Variants in CEP89 observed in about 807,000 individuals in gnomAD.
CEP89 encodes the protein centrosomal protein 89, also known as centrosomal protein of 89 kDa.
In CEP89, 95 loss-of-function variants were observed where a neutral mutation model predicts 97.6. The ratio of observed to expected loss-of-function variants is 0.97; its 90% CI spans 0.82 to 1.15. The LOEUF (loss-of-function observed/expected upper bound fraction) is 1.15. CEP89 is among the 50% of genes most tolerant of loss of function. CEP89 has a pLI of 0.00. For missense variants in CEP89, 869 were observed against 947.7 expected (o/e 0.92, Z 1.09); for synonymous variants, 354 against 349.1 (o/e 1.01, Z -0.16).
chr19:32,893,879 A>G (rs1016897598), intron 16 of CEP89, among the ~76,000 whole-genome samples: 3 of 152,264 alleles, frequency 2.0e-5, no homozygotes, highest in African/African-American at 4.8e-5. Flanking sequence ...TATGGGATAC[A>G]GCAAAAGCAA....
At chr19:32,892,307 T>TC (rs1266878044) in intron 16 of CEP89, among the ~76,000 whole-genome samples, 2 of 100,256 alleles carry the variant, frequency 2.0e-5, no homozygotes, top group Non-Finnish European at 4.1e-5. Context: ...TTCTTTTTCC[T>TC]TTTTTTTTCT....
chr19:32,914,160 A>G (rs1220895619), intron 14 of CEP89, among the ~76,000 whole-genome samples: 7 of 152,168 alleles, frequency 4.6e-5, no homozygotes, highest in African/African-American at 9.7e-5. Flanking sequence ...CTATTTTCCT[A>G]TGTCAAAAAG....
At chr19:32,899,459 G>A (rs540258167) in intron 16 of CEP89, among the ~76,000 whole-genome samples, 14 of 152,238 alleles carry the variant, frequency 9.2e-5, no homozygotes, top group African/African-American at 3.4e-4. Context: ...TTAAAATACA[G>A]ATGGTTCTAG....
At chr19:32,950,106 C>A (rs890905738) in intron 4 of CEP89, among the ~76,000 whole-genome samples, 1 of 151,956 alleles carries the variant, frequency 6.6e-6, no homozygotes, top group African/African-American at 2.4e-5. Context: ...CCTCCCACCT[C>A]CACCTCCCAA....
At position 32,881,948 on chromosome 19, in the gene CEP89, C is replaced by T. The variant is rs1599704485; in HGVS notation, c.2031G>A (p.Glu677=). The T allele has an allele frequency of 6.3e-7, 1 of 1,596,292 alleles. No homozygotes were observed. ...ACTGGGCTGTCTTGCCGGCGAAGTC[C>T]TCCTGCTGCTCCAGCAGACGGTGAC... ...DISHRLLEQQ[E]DFAGKTAQYR... is the part of the protein sequence containing the mutation. Residue 677 remains glutamate, a synonymous_variant, in exon 18 of 19, where the codon GAG becomes GAA. Coordinates refer to ENST00000305768, the MANE Select transcript of CEP89 (RefSeq NM_032816.5).
chr19:32,936,108 G>T lies in CEP89; in HGVS notation c.667+1523C>A, dbSNP rs1461539169. Among the ~76,000 whole-genome samples, 1 of 152,144 alleles carries T rather than the reference G, an allele frequency of 6.6e-6. No homozygotes were observed. Among genetic ancestry groups the T allele is most frequent in the African/African-American group, 2.4e-5 (1 of 41,438 alleles). On this transcript the variant is annotated intron_variant, in intron 7 of 18. Coordinates refer to ENST00000305768, the MANE Select transcript of CEP89 (RefSeq NM_032816.5). The surrounding 1 kb of genome is among the most constrained non-coding windows in gnomAD (Gnocchi z 4.5). The stretch of plus-strand genomic sequence containing the variant: ...CTCGGGGGCCTGGGAAGGCTCCCGT[G>T]TCCCCGCAGGCTTATGGGTGTTTGC...
intron 9 of CEP89, among the ~76,000 whole-genome samples, 177 bp from the exon 10 acceptor site, chr19:32,927,161 CATCT>C (rs1568564553): frequency 3.5e-5 from 5 of 142,268 alleles, no homozygotes; most frequent in East Asian, 2.1e-4. Context: ...TCCATCCATC[CATCT>C]ATCCATCCAT....
intron 16 of CEP89, among the ~76,000 whole-genome samples, chr19:32,893,696 A>G (rs1969581676): frequency 6.6e-6 from 1 of 152,258 alleles, no homozygotes; most frequent in African/African-American, 2.4e-5. Flanking sequence ...TGGTAGACTA[A>G]AACTAGAAAG....
chr19:32,954,532 T>C (rs1971005418), intron 3 of CEP89, among the ~76,000 whole-genome samples: 1 of 151,822 alleles, frequency 6.6e-6, no homozygotes, highest in South Asian at 2.1e-4. Context: ...TTTGTATTTT[T>C]TGTAGAGACG....
intron 16 of CEP89, among the ~76,000 whole-genome samples, chr19:32,890,947 C>T (rs556438841): frequency 8.9e-4 from 135 of 152,332 alleles, no homozygotes; most frequent in African/African-American, 3.1e-3. Flanking sequence ...TGGAGCGCCA[C>T]GGACATCTCC....
chr19:32,900,035 A>G (rs1478300032), intron 15 of CEP89, 37 bp from the exon 16 acceptor site: 1 of 1,597,522 alleles, frequency 6.3e-7, no homozygotes, highest in East Asian at 2.2e-5. Flanking sequence ...TAAAAAGCCC[A>G]TTAGTTTACA....
At chr19:32,969,415 G>A (rs1363856062) in intron 1 of CEP89, 1 of 152,214 alleles carries the variant, frequency 6.6e-6, no homozygotes, top group Non-Finnish European at 1.5e-5. Flanking sequence ...CAGAATTCAG[G>A]CCCTCCCTGG....
At chr19:32,880,223 C>T (rs75994881) in intron 18 of CEP89, among the ~76,000 whole-genome samples, 22,292 of 152,200 alleles carry the variant, frequency 0.15, 1,996 homozygotes, top group Non-Finnish European at 0.21. Context: ...AGCTCCTTCC[C>T]GGACACTGCC....
In CEP89 at chr19:32,933,679, T is replaced by A. The variant is rs771628329; in HGVS notation, c.668-10A>T. ...GCTCTACCAGTTATATCTGAAAGGG[T>A]TCAGGGGAAAATTTTACAATGTTAA... On this transcript the variant is annotated splice_polypyrimidine_tract_variant and intron_variant, in intron 7 of 18. Coordinates refer to ENST00000305768, the MANE Select transcript of CEP89 (RefSeq NM_032816.5). 1.9e-6 allele frequency: 3 copies of A among 1,543,146 alleles called. No homozygotes were observed. Among genetic ancestry groups the A allele is most frequent in the East Asian group, 4.5e-5 (2 of 44,516 alleles).
chr19:32,956,083 T>A (rs1207739231), intron 3 of CEP89, among the ~76,000 whole-genome samples: 1 of 136,782 alleles, frequency 7.3e-6, no homozygotes, highest in Non-Finnish European at 1.5e-5. Flanking sequence ...TGAGATGGAG[T>A]CTCGCTCTGT....
At chr19:32,911,874 A>G (rs1970008084) in intron 14 of CEP89, among the ~76,000 whole-genome samples, 1 of 152,204 alleles carries the variant, frequency 6.6e-6, no homozygotes, top group Non-Finnish European at 1.5e-5. Flanking sequence ...TGAAAGGCTC[A>G]CCGTTTAAAA....
At chr19:32,953,896 T>G (rs1217818712) in intron 3 of CEP89, 95 bp from the exon 4 acceptor site, 2 of 878,492 alleles carry the variant, frequency 2.3e-6, no homozygotes, top group African/African-American at 3.5e-5. Context: ...TGAGGTAGAG[T>G]CTTGCTCTGT....
intron 1 of CEP89, chr19:32,969,817 A>T (rs1356237494): frequency 1.3e-5 from 2 of 152,148 alleles, no homozygotes; most frequent in African/African-American, 4.8e-5. Flanking sequence ...GCTCGGATCC[A>T]CAGCTGCAGT....
intron 16 of CEP89, among the ~76,000 whole-genome samples, chr19:32,894,291 A>G (rs892808733): frequency 6.6e-6 from 1 of 152,186 alleles, no homozygotes; most frequent in African/African-American, 2.4e-5. Context: ...CTCCTTTCTC[A>G]GTGGGCTCCT....
Sources: allele counts gnomAD v4.1 joint callset (sites outside exome capture counted in the v4.1 genomes callset), GRCh38; gene constraint gnomAD v4.1.1; non-coding constraint Gnocchi (gnomAD v3.1); transcripts MANE v1.5; gene names NCBI Gene and HGNC (gene_info 2026-07-23, HGNC 2026-07-21).